The following ROCK2 variants were observed in gnomAD, a reference collection of about 807,000 sequenced individuals.
ROCK2 encodes the protein rho-associated protein kinase 2.
A neutral mutation model predicts 195.1 loss-of-function variants in ROCK2; 61 were observed. The observed-to-expected ratio is 0.31, with a 90% CI of 0.25 to 0.39. The LOEUF (loss-of-function observed/expected upper bound fraction) is 0.39, where lower values mean the gene tolerates loss of function less well. ROCK2 is among the 10% of genes least tolerant of loss of function. The pLI is 1.00. For missense variants in ROCK2, 1,109 were observed against 1,637.4 expected (o/e 0.68, Z 5.57); for synonymous variants, 504 against 545.5 (o/e 0.92, Z 1.06).
chr2:11,197,045 T>G lies in ROCK2; in HGVS notation c.3448+135A>C, dbSNP rs1663665460. On this transcript the variant is annotated intron_variant, in intron 27 of 32. Transcript: ENST00000315872. This position sits in a 1 kb window ranked among gnomAD's most constrained non-coding sequence, Gnocchi z 4.9. ...AAATAAGTTTGAAATGTTACTTGAA[T>G]CCTTACTCCAAGGAGTAGGTTTTCC... The G allele has an allele frequency of 2.1e-6, 1 of 474,172 alleles. No individual in the cohort carries two copies. The highest frequency in any genetic ancestry group is 4.1e-5 in the Admixed American group (1 of 24,204). The allele number at this position is 474,172 out of a possible 1,614,324, so 29.4% of individuals were successfully genotyped here.
intron 4 of ROCK2, among the ~76,000 whole-genome samples, chr2:11,246,112 C>A (rs571280508): frequency 1.3e-5 from 2 of 152,140 alleles, no homozygotes; most frequent in Non-Finnish European, 2.9e-5. Context: ...TGGTAACACA[C>A]CAGATAACCA....
intron 1 of ROCK2, among the ~76,000 whole-genome samples, chr2:11,311,423 G>A (rs1333270513): frequency 6.6e-6 from 1 of 152,032 alleles, no homozygotes; most frequent in African/African-American, 2.4e-5. Context: ...TTGCAGAGTA[G>A]GGAACACAAA....
At chr2:11,334,961 T>C (rs1050409706) in intron 1 of ROCK2, among the ~76,000 whole-genome samples, 27 of 139,754 alleles carry the variant, frequency 1.9e-4, no homozygotes, top group Non-Finnish European at 8.3e-5. Context: ...AAAAAAATTA[T>C]AAAGCACTTT....
At position 11,214,910 on chromosome 2, in the gene ROCK2, A is replaced by G; in HGVS notation, c.1866T>C (p.Asn622=). 2.5e-6 allele frequency: 4 copies of G among 1,613,934 alleles called. No individual in the cohort carries two copies. Among genetic ancestry groups the G allele is most frequent in the Non-Finnish European group, 3.4e-6 (4 of 1,179,920 alleles). The stretch of plus-strand genomic sequence containing the variant: ...TTTCAGATTCTAGAGCTGACTGAAG[A>G]TTGATAAATTCCTTTTCAAGTTTTA... ...AKLKLEKEFI[N]LQSALESERR... Residue 622 remains asparagine (N), a synonymous_variant, in exon 16 of 33, where the codon AAT becomes AAC. Transcript: ENST00000315872.
At chr2:11,200,828 TAGATTAAAAATC>T in intron 23 of ROCK2, 117 bp downstream of exon 23, 2 of 727,926 alleles carry the variant, frequency 2.7e-6, no homozygotes, top group Non-Finnish European at 4.2e-6. Flanking sequence ...GGCAGTTAAC[TAGATTAAAAATC>T]TTGTAGTCAG....
rs578152677 is a variant in ROCK2 at position 11,180,492 on chromosome 2, A to G, written c.*2945T>C. 6.6e-6 allele frequency: 1 copy of G among 152,348 alleles called. No homozygotes were observed. The highest frequency in any genetic ancestry group is 2.4e-5 in the African/African-American group (1 of 41,578). 9.4% of individuals were successfully genotyped at this position (152,348 alleles called of 1,614,324 possible). ...TTTTTAAAACTTGTTTCTAGAGAAC[A>G]TGGTTTTTTAAAATTAATACTTTAA... is the stretch of plus-strand genomic sequence containing the variant. On this transcript the variant is annotated 3_prime_UTR_variant, in exon 33 of 33. Transcript: ENST00000315872.
intron 10 of ROCK2, 142 bp from the exon 11 acceptor site, chr2:11,218,608 C>T (rs747098186): frequency 3.4e-6 from 2 of 583,898 alleles, no homozygotes; most frequent in Non-Finnish European, 5.8e-6. Flanking sequence ...TGTTTAGCAT[C>T]ATCATTTATG....
chr2:11,212,465 C>G (rs1304405241), intron 17 of ROCK2, among the ~76,000 whole-genome samples: 1 of 151,988 alleles, frequency 6.6e-6, no homozygotes, highest in Non-Finnish European at 1.5e-5. Flanking sequence ...CACTGCCCCC[C>G]TTAAAACTAT....
chr2:11,218,374 G>A, intron 11 of ROCK2, 81 bp downstream of exon 11: 1 of 1,051,476 alleles, frequency 9.5e-7, no homozygotes, highest in Non-Finnish European at 1.4e-6. Context: ...CAAATGCTAG[G>A]TAGGATATGA....
rs76750632 is a variant in ROCK2 at position 11,289,455 on chromosome 2, T to C, written c.142-1719A>G. ...ATGTATCTAGACTTATACTCTGTAT[T>C]ACAATTTCAAATCAAAGAAAAGTAT... On this transcript the variant is annotated intron_variant, in intron 1 of 32. Coordinates refer to ENST00000315872, the MANE Select transcript of ROCK2 (RefSeq NM_004850.5). Among the ~76,000 whole-genome samples the C allele has an allele frequency of 8.4e-4, 128 of 152,358 alleles. 1 individual carries two copies. The highest frequency in any genetic ancestry group is 2.7e-3 in the African/African-American group (113 of 41,594).
At chr2:11,331,042 G>GGCA (rs1553320148) in intron 1 of ROCK2, among the ~76,000 whole-genome samples, 1 of 130,350 alleles carries the variant, frequency 7.7e-6, no homozygotes, top group Non-Finnish European at 1.6e-5. Flanking sequence ...GGGAGGAGGA[G>GGCA]GGAGGAGGAG....
intron 3 of ROCK2, among the ~76,000 whole-genome samples, chr2:11,276,707 T>C (rs115795264): frequency 4.5e-4 from 69 of 152,294 alleles, no homozygotes; most frequent in African/African-American, 1.6e-3. Flanking sequence ...TCTTAACTGA[T>C]CTAACAAATA....
intron 1 of ROCK2, among the ~76,000 whole-genome samples, chr2:11,325,589 C>T (rs1340943938): frequency 6.6e-6 from 1 of 152,068 alleles, no homozygotes; most frequent in African/African-American, 2.4e-5. Flanking sequence ...GAGTAAGGGA[C>T]AAGCGATAGG....
At chr2:11,330,746 AG>A (rs377400799) in intron 1 of ROCK2, among the ~76,000 whole-genome samples, 76 of 44,280 alleles carry the variant, frequency 1.7e-3, no homozygotes, top group Middle Eastern at 0.016. Flanking sequence ...AGGAGGGAGG[AG>A]GGAGGAGGAG....
At chr2:11,308,100 G>C in intron 1 of ROCK2, 1 of 1,611,014 alleles carries the variant, frequency 6.2e-7, no homozygotes. Context: ...CGACTCTTGG[G>C]GCCAGCTGGT....
intron 32 of ROCK2, among the ~76,000 whole-genome samples, chr2:11,188,834 C>T: frequency 6.6e-6 from 1 of 151,688 alleles, no homozygotes; most frequent in East Asian, 2.0e-4. Flanking sequence ...CTGTGTTAGC[C>T]AGGATGGTCT....
intron 1 of ROCK2, among the ~76,000 whole-genome samples, chr2:11,288,147 AAAAT>A (rs1326540274): frequency 6.6e-6 from 1 of 152,214 alleles, no homozygotes; most frequent in Non-Finnish European, 1.5e-5. Context: ...AGAAAATCCA[AAAAT>A]AAATAACACC....
At chr2:11,281,156 A>G (rs1367417713) in intron 3 of ROCK2, among the ~76,000 whole-genome samples, 3 of 151,236 alleles carry the variant, frequency 2.0e-5, no homozygotes, top group Admixed American at 6.6e-5. Context: ...ACAGATGATC[A>G]TATCATAGAT....
chr2:11,296,279 A>C (rs1220667998), intron 1 of ROCK2, among the ~76,000 whole-genome samples: 1 of 152,190 alleles, frequency 6.6e-6, no homozygotes, highest in Non-Finnish European at 1.5e-5. Context: ...GAGCTATTCC[A>C]GTATTTCTTA....
Sources: allele counts gnomAD v4.1 joint callset (sites outside exome capture counted in the v4.1 genomes callset), GRCh38; gene constraint gnomAD v4.1.1; non-coding constraint Gnocchi (gnomAD v3.1); transcripts MANE v1.5; gene names NCBI Gene and HGNC (gene_info 2026-07-23, HGNC 2026-07-21).